CLASP1: variants seen among roughly 807,000 people sequenced by gnomAD.
CLASP1 encodes cytoplasmic linker associated protein 1.
Under a neutral mutation model 192.3 loss-of-function variants are expected in CLASP1, and 38 were observed. The observed-to-expected ratio is 0.20, with a 90% CI of 0.15 to 0.26. CLASP1 has a LOEUF of 0.26. CLASP1 is among the 10% of genes least tolerant of loss of function. The probability of loss-of-function intolerance (pLI) is 1.00; values close to 1 mark genes in which losing one functional copy is unlikely to be tolerated. For missense variants in CLASP1, 1,433 were observed against 1,932.5 expected (o/e 0.74, Z 4.85); for synonymous variants, 691 against 712.8 (o/e 0.97, Z 0.49).
Position 121,519,852 on chromosome 2 carries a change from C to A in CLASP1, c.547-4090G>T, listed in dbSNP as rs958419940. Among the ~76,000 whole-genome samples the A allele has an allele frequency of 9.9e-5, 15 of 152,178 alleles. 1 individual carries two copies. Among genetic ancestry groups the A allele is most frequent in the Admixed American group, 9.2e-4 (14 of 15,276 alleles). ...CACTCTAATAGAGAAGAGGTTTAAA[C>A]AAAAGCCATTCAGCTGAGACTGCAG... is the stretch of plus-strand genomic sequence containing the variant. On this transcript the variant is annotated intron_variant, in intron 6 of 39. Transcript: ENST00000263710.
Position 121,364,888 on chromosome 2 carries a change from G to C in CLASP1, c.4077+206C>G. ...ATAAACCCAGTTGCAGACCATGCAC[G>C]TAAGCCAAGCAGCAGCTTGTTGCTG... On this transcript the variant is annotated intron_variant, in intron 36 of 39. Transcript: ENST00000263710. 3 of 594,352 alleles carry C rather than the reference G, an allele frequency of 5.0e-6. No individual in the cohort carries two copies. The South Asian group carries it at 5.9e-5, about 12-fold the overall frequency. 36.8% of individuals were successfully genotyped at this position (594,352 alleles called of 1,614,324 possible).
intron 2 of CLASP1, among the ~76,000 whole-genome samples, chr2:121,564,049 C>T (rs1259837580): frequency 1.3e-5 from 2 of 152,148 alleles, no homozygotes; most frequent in Non-Finnish European, 2.9e-5. Context: ...ATCACAAGAA[C>T]AGCATGGGAA....
intron 8 of CLASP1, among the ~76,000 whole-genome samples, chr2:121,483,238 T>C (rs1022767494): frequency 6.6e-6 from 1 of 152,172 alleles, no homozygotes; most frequent in African/African-American, 2.4e-5. Flanking sequence ...TATTGTCTTC[T>C]GTACTCTCTG....
At chr2:121,626,199 C>A (rs966380731) in intron 1 of CLASP1, among the ~76,000 whole-genome samples, 1 of 151,218 alleles carries the variant, frequency 6.6e-6, no homozygotes, top group African/African-American at 2.4e-5. Context: ...CTAGGTTATA[C>A]CCAGTTGAAA....
At chr2:121,376,848 C>T (rs564507230) in intron 34 of CLASP1, among the ~76,000 whole-genome samples, 4 of 152,278 alleles carry the variant, frequency 2.6e-5, no homozygotes, top group African/African-American at 9.6e-5. Context: ...ATCTAGGTTG[C>T]GTGGTCCTTA....
chr2:121,413,393 T>C (rs1435502655), intron 23 of CLASP1, among the ~76,000 whole-genome samples: 4 of 152,252 alleles, frequency 2.6e-5, no homozygotes, highest in African/African-American at 7.2e-5. Context: ...TCATAGATTA[T>C]GCCTTACTCA....
rs1171440535 is a variant in CLASP1, at chr2:121,493,157, C to T, written c.712+10010G>A. Among the ~76,000 whole-genome samples, 9 of 152,072 alleles carry T rather than the reference C, an allele frequency of 5.9e-5. 1 individual carries two copies. The highest frequency in any genetic ancestry group is 1.4e-4 in the African/African-American group (6 of 41,410). On this transcript the variant is annotated intron_variant, in intron 8 of 39. Transcript: ENST00000263710. ...TAAAAAAGTAATCCCAAAATTTATA[C>T]GGAACCACAAAAGACTCAGAATAGC...
chr2:121,479,029 C>CCACACACACACAT lies in CLASP1; in HGVS notation c.713-9070_713-9069insATGTGTGTGTGTG, dbSNP rs2092341187. ...CACACACACACACCACACACACACA[C>CCACACACACACAT]ACCCCACACACACACACACCCCCCC... On this transcript the variant is annotated intron_variant, in intron 8 of 39. Coordinates refer to ENST00000263710, the Ensembl canonical transcript of CLASP1. Among the ~76,000 whole-genome samples the CCACACACACACAT allele has an allele frequency of 6.5e-4, 47 of 72,260 alleles. 2 individuals are homozygous for CCACACACACACAT. Among genetic ancestry groups the CCACACACACACAT allele is most frequent in the Non-Finnish European group, 1.2e-3 (43 of 37,160 alleles). The allele number at this position is 72,260 out of a possible 152,430, so 47.4% of individuals were successfully genotyped here.
At chr2:121,446,723 G>T (rs984829183) in intron 19 of CLASP1, among the ~76,000 whole-genome samples, 1 of 152,166 alleles carries the variant, frequency 6.6e-6, no homozygotes, top group Non-Finnish European at 1.5e-5. Flanking sequence ...TTTGGAAGTA[G>T]TTTTTAAAAA....
rs540624906 is a variant in CLASP1, at chr2:121,495,417, T to C, written c.712+7750A>G. On this transcript the variant is annotated intron_variant, in intron 8 of 39. Transcript: ENST00000263710. ...GGCTCACGCCTGTAATACCAGCGCT[T>C]TGGGAGGCTGAGGCGGGCAGATTGC... Among the ~76,000 whole-genome samples the C allele has an allele frequency of 6.6e-5, 10 of 152,284 alleles. No individual in the cohort carries two copies. In the East Asian group the frequency reaches 1.9e-3, roughly 29 times the overall value.
rs145197029 is a variant in CLASP1, at chr2:121,516,609, G to C, written c.547-847C>G. 9.9e-5 allele frequency among the ~76,000 whole-genome samples: 15 copies of C among 152,232 alleles called. No homozygotes were observed. The East Asian group carries it at 1.5e-3, about 16-fold the overall frequency. ...TTCTAACCTGGGGAAATTTGAATACGGACTGTATATTACACATCACTGTAT... is the reference window on the plus strand; with the variant it reads ...TTCTAACCTGGGGAAATTTGAATACCGACTGTATATTACACATCACTGTAT... On this transcript the variant is annotated intron_variant, in intron 6 of 39. Transcript: ENST00000263710.
chr2:121,418,552 G>T, intron 23 of CLASP1, 70 bp downstream of exon 23: 1 of 1,053,700 alleles, frequency 9.5e-7, no homozygotes, highest in Non-Finnish European at 1.5e-6. Flanking sequence ...AGGTCATTCC[G>T]CCTAGCAGTG....
At chr2:121,515,148 T>C (rs769513243) in intron 7 of CLASP1, among the ~76,000 whole-genome samples, 11 of 152,248 alleles carry the variant, frequency 7.2e-5, no homozygotes, top group Admixed American at 7.2e-4. Context: ...TGGACTCCAA[T>C]TGTCTTGGGT....
In CLASP1 at chr2:121,549,706, CAAAAA is replaced by C. The variant is rs57551536; in HGVS notation, c.196-19386_196-19382del. ...TAATTGGACATAAAACAATCCTCTG[CAAAAA>C]AAAAAAAAAAAAGGCCTGGCGTGGT... On this transcript the variant is annotated intron_variant, in intron 2 of 39. Coordinates refer to ENST00000263710, the Ensembl canonical transcript of CLASP1. 8.5e-5 allele frequency among the ~76,000 whole-genome samples: 6 copies of C among 70,636 alleles called. 1 individual carries two copies. The highest frequency in any genetic ancestry group is 2.7e-4 in the African/African-American group (5 of 18,206). 46.3% of individuals were successfully genotyped at this position (70,636 alleles called of 152,430 possible).
At position 121,367,886 on chromosome 2, in the gene CLASP1, T is replaced by C. The variant is rs200313982; in HGVS notation, c.3643-55A>G. On this transcript the variant is annotated intron_variant, in intron 34 of 39. Transcript: ENST00000263710. Reference sequence around the variant, plus strand: ...CTGGGACTTGTAATGGACATTTCCTTTGAATGCTCAGAAATATTAAGAAGG... The same window carrying C: ...CTGGGACTTGTAATGGACATTTCCTCTGAATGCTCAGAAATATTAAGAAGG... 1.2e-3 allele frequency: 1,930 copies of C among 1,587,084 alleles called. 2 individuals are homozygous for C. The highest frequency in any genetic ancestry group is 1.5e-3 in the South Asian group (132 of 89,318).
At chr2:121,572,745 T>C (rs2060096569) in intron 2 of CLASP1, among the ~76,000 whole-genome samples, 1 of 141,652 alleles carries the variant, frequency 7.1e-6, no homozygotes. Context: ...AAAATATATA[T>C]ATGATAATTT....
At chr2:121,481,597 C>A (rs1434379625) in intron 8 of CLASP1, among the ~76,000 whole-genome samples, 1 of 152,228 alleles carries the variant, frequency 6.6e-6, no homozygotes, top group African/African-American at 2.4e-5. Flanking sequence ...TCCAAATCCT[C>A]CATGCCCTGT....
At position 121,583,369 on chromosome 2, in the gene CLASP1, G is replaced by C. The variant is rs138904234; in HGVS notation, c.195+22332C>G. On this transcript the variant is annotated intron_variant, in intron 2 of 39. Transcript: ENST00000263710. ...TTCCAGTTAAATGCTATGTGGTTTAGAGACTATTACTTAACCCGGAGGAGT... is the reference window on the plus strand; with the variant it reads ...TTCCAGTTAAATGCTATGTGGTTTACAGACTATTACTTAACCCGGAGGAGT... 4.6e-5 allele frequency among the ~76,000 whole-genome samples: 7 copies of C among 152,292 alleles called. No individual in the cohort carries two copies. The East Asian group carries it at 5.8e-4, about 13-fold the overall frequency.
intron 37 of CLASP1, among the ~76,000 whole-genome samples, chr2:121,355,040 G>A (rs2065143212): frequency 6.6e-6 from 1 of 152,162 alleles, no homozygotes; most frequent in African/African-American, 2.4e-5. Context: ...GGGAAAAAAG[G>A]CTGTTTCAGA....
Sources: gnomAD v4.1 joint callset for allele counts (sites outside exome capture counted in the v4.1 genomes callset) on GRCh38, gnomAD v4.1.1 for gene constraint, MANE v1.5 for transcripts, NCBI Gene and HGNC (gene_info 2026-07-23, HGNC 2026-07-21) for gene names.